Variants in FZD5 observed in about 807,000 individuals in gnomAD.
FZD5 encodes the protein frizzled class receptor 5, also known as frizzled-5.
In FZD5, 12 loss-of-function variants were observed where a neutral mutation model predicts 40.8. The ratio of observed to expected loss-of-function variants is 0.29; its 90% confidence interval spans 0.19 to 0.48. FZD5 has a LOEUF of 0.48. Among genes scored for constraint, FZD5 ranks in the 20% least tolerant of loss-of-function variants. FZD5 has a pLI of 0.99. For missense variants in FZD5, 622 were observed against 832.8 expected (o/e 0.75, Z 3.12); for synonymous variants, 380 against 383.7 (o/e 0.99, Z 0.11).
rs80340611 is a variant in FZD5, at chr2:207,762,894, G to T, written c.*4088C>A. On this transcript the variant is annotated 3_prime_UTR_variant, in exon 2 of 2. Coordinates refer to ENST00000295417, the MANE Select transcript of FZD5 (RefSeq NM_003468.4). Reference sequence around the variant, plus strand: ...ATCAAGCTGCTCTGGGTTTCCTTTTGTAAGTGTTACAGATTCAGAACTGTA... The same window carrying T: ...ATCAAGCTGCTCTGGGTTTCCTTTTTTAAGTGTTACAGATTCAGAACTGTA... 6.6e-6 allele frequency: 1 copy of T among 152,564 alleles called. No homozygotes were observed. The highest frequency in any genetic ancestry group is 2.4e-5 in the African/African-American group (1 of 41,432). The allele number at this position is 152,564 out of a possible 1,614,324, so 9.5% of individuals were successfully genotyped here.
At position 207,766,264 on chromosome 2, in the gene FZD5, C is replaced by A. The variant is rs1404965406; in HGVS notation, c.*718G>T. 1 of 152,142 alleles carries A rather than the reference C, an allele frequency of 6.6e-6. No individual in the cohort carries two copies. The highest frequency in any genetic ancestry group is 1.5e-5 in the Non-Finnish European group (1 of 68,046). 9.4% of individuals were successfully genotyped at this position (152,142 alleles called of 1,614,324 possible). ...TACCTCTAACTTATTCAAGACACAA[C>A]GATGGTGCTGTTAGGAGTGAGAATT... On this transcript the variant is annotated 3_prime_UTR_variant, in exon 2 of 2. Transcript: ENST00000295417.
Position 207,766,874 on chromosome 2 carries a change from A to AG in FZD5, c.*107dup. The AG allele has an allele frequency of 1.1e-6, 1 of 874,188 alleles. No homozygotes were observed. Among genetic ancestry groups the AG allele is most frequent in the South Asian group, 2.8e-5 (1 of 35,708 alleles). The allele number at this position is 874,188 out of a possible 1,614,324, so 54.2% of individuals were successfully genotyped here. A position where few individuals can be genotyped will look rare whatever the true frequency, so the allele number is the denominator to read the frequency against. On this transcript the variant is annotated 3_prime_UTR_variant, in exon 2 of 2. Transcript: ENST00000295417. The stretch of plus-strand genomic sequence containing the variant: ...TTCCCTCTCTCCAAGTCGCCGCGGG[A>AG]GGGGGCAACAGCACCATGAAGGTAA...
chr2:207,765,029 G>T lies in FZD5; in HGVS notation c.*1953C>A, dbSNP rs903843509. 3 of 152,308 alleles carry T rather than the reference G, an allele frequency of 2.0e-5. No individual in the cohort carries two copies. Among genetic ancestry groups the T allele is most frequent in the South Asian group, 4.1e-4 (2 of 4,830 alleles). The allele number at this position is 152,308 out of a possible 1,614,324, so 9.4% of individuals were successfully genotyped here. ...GAATCCACTGAAATTTTAATTCAGA[G>T]GATAAATTGGGTAAGAGCAGTGCAT... is the stretch of plus-strand genomic sequence containing the variant. On this transcript the variant is annotated 3_prime_UTR_variant, in exon 2 of 2. Coordinates refer to ENST00000295417, the MANE Select transcript of FZD5 (RefSeq NM_003468.4).
In FZD5 at chr2:207,769,852, A is replaced by G. The variant is rs2092002654; in HGVS notation, c.-843T>C. 6.6e-6 allele frequency among the ~76,000 whole-genome samples: 1 copy of G among 151,924 alleles called. No individual in the cohort carries two copies. The highest frequency in any genetic ancestry group is 2.1e-4 in the South Asian group (1 of 4,826). ...TTTCGCCCACCTCTGGCGAGCACGGAACCGCGCGCGGCGGCGACCACAGCG... is the reference window on the plus strand; with the variant it reads ...TTTCGCCCACCTCTGGCGAGCACGGGACCGCGCGCGGCGGCGACCACAGCG... On this transcript the variant is annotated 5_prime_UTR_variant, in exon 1 of 2. Coordinates refer to ENST00000295417, the MANE Select transcript of FZD5 (RefSeq NM_003468.4).
Position 207,766,071 on chromosome 2 carries a change from TAAAAAA to T in FZD5, c.*905_*910del, listed in dbSNP as rs1156799536. 5.5e-5 allele frequency: 5 copies of T among 91,610 alleles called. No homozygotes were observed. Among genetic ancestry groups the T allele is most frequent in the African/African-American group, 4.5e-5 (1 of 22,016 alleles). The allele number at this position is 91,610 out of a possible 1,614,324, so 5.7% of individuals were successfully genotyped here. ...TACCAAAATTATAACACAAGTTCCT[TAAAAAA>T]AAAAAAAAAAAAAAAAAAAGGGGAT... On this transcript the variant is annotated 3_prime_UTR_variant, in exon 2 of 2. Transcript: ENST00000295417.
Position 207,766,842 on chromosome 2 carries a change from G to T in FZD5, c.*140C>A, listed in dbSNP as rs572731070. Reference sequence around the variant, plus strand: ...CTGGGACAGGTTCTTCCTCGAAAACGCCCCTCTTCCCTCTCTCCAAGTCGC... The same window carrying T: ...CTGGGACAGGTTCTTCCTCGAAAACTCCCCTCTTCCCTCTCTCCAAGTCGC... On this transcript the variant is annotated 3_prime_UTR_variant, in exon 2 of 2. Coordinates refer to ENST00000295417, the MANE Select transcript of FZD5 (RefSeq NM_003468.4). 64 of 594,820 alleles carry T rather than the reference G, an allele frequency of 1.1e-4. No individual in the cohort carries two copies. The highest frequency in any genetic ancestry group is 1.1e-3 in the African/African-American group (55 of 52,108). 36.8% of individuals were successfully genotyped at this position (594,820 alleles called of 1,614,324 possible). A position where few individuals can be genotyped will look rare whatever the true frequency, so the allele number is the denominator to read the frequency against.
rs750206287 is a variant in FZD5 at position 207,767,375 on chromosome 2, C to A, written c.1365G>T (p.Leu455=). 25 of 1,612,510 alleles carry A rather than the reference C, an allele frequency of 1.6e-5. No homozygotes were observed. In the South Asian group the frequency reaches 2.2e-4, roughly 14 times the overall value. ...CAATGCTGGCGGGGACCGTGTAGAG[C>A]AGCGTGAAGATGCCGATGCGGATCA... is the stretch of plus-strand genomic sequence containing the variant. ...KLMIRIGIFT[L]LYTVPASIVV... The change falls in exon 2 of 2, where the codon CTG becomes CTT. Residue 455 remains leucine (L), a synonymous_variant. Transcript: ENST00000295417.
At position 207,768,403 on chromosome 2, in the gene FZD5, T is replaced by C. The variant is rs1197748603; in HGVS notation, c.337A>G (p.Lys113Glu). ...CGCATCAGCGGCGAGCAGCCGGCCTTGGCGCGCTCGCACACCGAGCGGCAG... is the reference window on the plus strand; with the variant it reads ...CGCATCAGCGGCGAGCAGCCGGCCTCGGCGCGCTCGCACACCGAGCGGCAG... The part of the protein sequence containing the change: ...PPCRSVCERA[K>E]AGCSPLMRQY... Residue 113 changes from lysine to glutamate, a missense_variant, in exon 2 of 2, where the codon AAG (lysine) becomes GAG (glutamate). Coordinates refer to ENST00000295417, the MANE Select transcript of FZD5 (RefSeq NM_003468.4). 27 of 1,606,332 alleles carry C rather than the reference T, an allele frequency of 1.7e-5. No individual in the cohort carries two copies. The highest frequency in any genetic ancestry group is 2.3e-5 in the Non-Finnish European group (27 of 1,179,240).
chr2:207,767,998 T>A lies in FZD5; in HGVS notation c.742A>T (p.Ile248Phe). 2 of 1,610,440 alleles carry A rather than the reference T, an allele frequency of 1.2e-6. No individual in the cohort carries two copies. The highest frequency in any genetic ancestry group is 2.2e-5 in the South Asian group (2 of 90,368). Residue 248 changes from isoleucine to phenylalanine, a missense_variant, in exon 2 of 2, where the codon ATC (isoleucine) becomes TTC (phenylalanine). Ile to Phe is a conservative substitution (Grantham distance 21). Transcript: ENST00000295417. The part of the protein sequence containing the change: ...WIGLWSVLCF[I>F]STSTTVATFL... ...GTGGCCACTGTGGTGGACGTGGAGA[T>A]GAAGCACAGCACCGACCACAGGCCT... is the stretch of plus-strand genomic sequence containing the variant.
Position 207,767,118 on chromosome 2 carries a change from G to C in FZD5, c.1622C>G (p.Pro541Arg), listed in dbSNP as rs1220283830. ...GCCCCCGCTCTTGTGGCCGCGCCGC[G>C]GGCGGCAGCAGCAGCGGCTGGTGAA... ...RRFTSRCCCR[P>R]RRGHKSGGAM... Residue 541 changes from proline to arginine, a missense_variant, in exon 2 of 2, where the codon CCG (proline) becomes CGG (arginine). Coordinates refer to ENST00000295417, the MANE Select transcript of FZD5 (RefSeq NM_003468.4). The C allele has an allele frequency of 6.4e-7, 1 of 1,564,846 alleles. No homozygotes were observed. Among genetic ancestry groups the C allele is most frequent in the Non-Finnish European group, 8.7e-7 (1 of 1,155,598 alleles).
In FZD5 at chr2:207,767,019, G is replaced by T; in HGVS notation, c.1721C>A (p.Ala574Asp). 1 of 1,480,794 alleles carries T rather than the reference G, an allele frequency of 6.8e-7. No individual in the cohort carries two copies. Among genetic ancestry groups the T allele is most frequent in the Non-Finnish European group, 8.9e-7 (1 of 1,125,322 alleles). The allele number at this position is 1,480,794 out of a possible 1,614,324, so 91.7% of individuals were successfully genotyped here. Residue 574 changes from alanine (A) to aspartate (D), a missense_variant, in exon 2 of 2, where the codon GCC becomes GAC. This residue lies in a region of FZD5 where 154 missense variants were observed against 152.1 expected (regional missense o/e 1.01). Coordinates refer to ENST00000295417, the MANE Select transcript of FZD5 (RefSeq NM_003468.4). ...TGRTGPPGPA[A>D]TYHKQVSLSH... ...CAGGGACACCTGCTTGTGGTAGGTG[G>T]CGGCGGGGCCCGGCGGCCCGGTCCT...
At position 207,765,052 on chromosome 2, in the gene FZD5, C is replaced by T. The variant is rs1291670064; in HGVS notation, c.*1930G>A. The T allele has an allele frequency of 6.6e-6, 1 of 152,168 alleles. No individual in the cohort carries two copies. The highest frequency in any genetic ancestry group is 1.5e-5 in the Non-Finnish European group (1 of 68,030). The allele number at this position is 152,168 out of a possible 1,614,324, so 9.4% of individuals were successfully genotyped here. The stretch of plus-strand genomic sequence containing the variant: ...GAGGATAAATTGGGTAAGAGCAGTG[C>T]ATTTTAATAAATGTGAAGTTTTTGA... On this transcript the variant is annotated 3_prime_UTR_variant, in exon 2 of 2. Transcript: ENST00000295417.
chr2:207,768,500 C>T lies in FZD5; in HGVS notation c.240G>A (p.Pro80=). Residue 80 remains proline (P), a synonymous_variant, in exon 2 of 2, where the codon CCG becomes CCA. Transcript: ENST00000295417. ...TAGAGCATAGGAAGAAGCGCAGGTC[C>T]GGCGAGCATTGGATCTCCACCAGCG... ...FWPLVEIQCS[P]DLRFFLCSMY... 6.2e-7 allele frequency: 1 copy of T among 1,613,956 alleles called. No homozygotes were observed.
In FZD5 at chr2:207,768,403, T is replaced by G. The variant is rs1197748603; in HGVS notation, c.337A>C (p.Lys113Gln). The change falls in exon 2 of 2, where the codon AAG becomes CAG. Residue 113 changes from lysine to glutamine, a missense_variant. Coordinates refer to ENST00000295417, the MANE Select transcript of FZD5 (RefSeq NM_003468.4). ...CGCATCAGCGGCGAGCAGCCGGCCT[T>G]GGCGCGCTCGCACACCGAGCGGCAG... ...PPCRSVCERA[K>Q]AGCSPLMRQY... The G allele has an allele frequency of 3.7e-6, 6 of 1,606,332 alleles. No homozygotes were observed. In the East Asian group the frequency reaches 1.1e-4, roughly 30 times the overall value.
Position 207,768,250 on chromosome 2 carries a change from G to A in FZD5, c.490C>T (p.Pro164Ser). ...EATTAPPRPFPAKPTLPGPPG... is the reference protein window; with the variant it reads ...EATTAPPRPFSAKPTLPGPPG... Reference sequence around the variant, plus strand: ...GGGCCTGGAAGGGTGGGCTTGGCTGGGAAAGGCCTGGGGGGCGCCGTGGTG... The same window carrying A: ...GGGCCTGGAAGGGTGGGCTTGGCTGAGAAAGGCCTGGGGGGCGCCGTGGTG... The change falls in exon 2 of 2, where the codon CCA (proline) becomes TCA (serine). Residue 164 changes from proline to serine, a missense_variant. Physicochemically the swap from Pro to Ser is moderately conservative, Grantham distance 74 (BLOSUM62 -1). Coordinates refer to ENST00000295417, the MANE Select transcript of FZD5 (RefSeq NM_003468.4). 1.9e-6 allele frequency: 3 copies of A among 1,552,244 alleles called. No individual in the cohort carries two copies. The highest frequency in any genetic ancestry group is 2.6e-6 in the Non-Finnish European group (3 of 1,154,418).
In FZD5 at chr2:207,764,657, A is replaced by AAAAC. The variant is rs1559178470; in HGVS notation, c.*2324_*2325insGTTT. ...AGCATGTTGCTAAAACAAAACAAAA[A>AAAAC]AAAATTCTAAAAATGAATTAAATCA... On this transcript the variant is annotated 3_prime_UTR_variant, in exon 2 of 2. Coordinates refer to ENST00000295417, the MANE Select transcript of FZD5 (RefSeq NM_003468.4). 1.1e-4 allele frequency: 16 copies of AAAAC among 152,170 alleles called. No homozygotes were observed. Among genetic ancestry groups the AAAAC allele is most frequent in the Non-Finnish European group, 1.5e-4 (10 of 67,988 alleles). The allele number at this position is 152,170 out of a possible 1,614,324, so 9.4% of individuals were successfully genotyped here. A position where few individuals can be genotyped will look rare whatever the true frequency, so the allele number is the denominator to read the frequency against.
Position 207,768,147 on chromosome 2 carries a change from G to T in FZD5, c.593C>A (p.Pro198His), listed in dbSNP as rs755375722. The T allele has an allele frequency of 3.7e-6, 6 of 1,610,562 alleles. No homozygotes were observed. Among genetic ancestry groups the T allele is most frequent in the Non-Finnish European group, 3.4e-6 (4 of 1,179,774 alleles). ...FVCKCREPFV[P>H]ILKESHPLYN... ...GAGCGGGTGTGACTCCTTCAGAATG[G>T]GCACGAAGGGCTCGCGACACTTGCA... Residue 198 changes from proline (P) to histidine (H), a missense_variant, in exon 2 of 2, where the codon CCC (proline) becomes CAC (histidine). By Grantham distance (77) the Pro-to-His change is moderately conservative (BLOSUM62 -2). This residue lies in a region of FZD5 where 116 missense variants were observed against 117.7 expected (regional missense o/e 0.99). Transcript: ENST00000295417.
In FZD5 at chr2:207,768,097, C is replaced by G. The variant is rs775404982; in HGVS notation, c.643G>C (p.Val215Leu). The change falls in exon 2 of 2, where the codon GTG becomes CTG. Residue 215 changes from valine to leucine, a missense_variant. By Grantham distance (32) the Val-to-Leu change is conservative (BLOSUM62 1). This residue lies in a region of FZD5 where 116 missense variants were observed against 117.7 expected (regional missense o/e 0.99). Transcript: ENST00000295417. ...TAGCAGGGTACCGCGCAGTTGGGCA[C>G]CTGGCCCGTCCGCACCTTGTTGTAG... ...PLYNKVRTGQ[V>L]PNCAVPCYQP... The G allele has an allele frequency of 6.2e-7, 1 of 1,613,486 alleles. No homozygotes were observed. The highest frequency in any genetic ancestry group is 8.5e-7 in the Non-Finnish European group (1 of 1,179,840).
At position 207,767,986 on chromosome 2, in the gene FZD5, T is replaced by TG; in HGVS notation, c.753dup (p.Thr252HisfsTer17). The TG allele has an allele frequency of 6.2e-7, 1 of 1,608,994 alleles. No homozygotes were observed. Among genetic ancestry groups the TG allele is most frequent in the Non-Finnish European group, 8.5e-7 (1 of 1,177,696 alleles). Reference sequence around the variant, plus strand: ...TCGATGAGGAAGGTGGCCACTGTGGTGGACGTGGAGATGAAGCACAGCACC... The same window carrying TG: ...TCGATGAGGAAGGTGGCCACTGTGGTGGGACGTGGAGATGAAGCACAGCACC... On this transcript the variant is annotated frameshift_variant, in exon 2 of 2. Coordinates refer to ENST00000295417, the MANE Select transcript of FZD5 (RefSeq NM_003468.4). LOFTEE classifies it high-confidence loss of function.
Sources: allele counts gnomAD v4.1 joint callset (sites outside exome capture counted in the v4.1 genomes callset), GRCh38; gene constraint gnomAD v4.1.1; regional missense constraint gnomAD v4.1.1; transcripts MANE v1.5; gene names NCBI Gene and HGNC (gene_info 2026-07-23, HGNC 2026-07-21).